THOC1: variants seen among roughly 807,000 people sequenced by gnomAD.
THOC1 encodes THO complex 1.
Under a neutral mutation model 97.3 loss-of-function variants are expected in THOC1, and 29 were observed. The observed-to-expected ratio is 0.30, with a 90% CI of 0.22 to 0.41. The LOEUF is 0.41. Among genes scored for constraint, THOC1 ranks in the 10% least tolerant of loss-of-function variants. The probability of loss-of-function intolerance (pLI) is 1.00; values close to 1 mark genes in which losing one functional copy is unlikely to be tolerated. For missense variants in THOC1, 529 were observed against 761.9 expected, an observed-to-expected ratio of 0.69 and a Z score of 3.60; for synonymous variants, 255 against 257.0, an observed-to-expected ratio of 0.99 and a Z score of 0.07.
At chr18:216,150 C>T (rs1910879651) in intron 19 of THOC1, 1 of 184,702 alleles carries the variant, frequency 5.4e-6, no homozygotes, top group Non-Finnish European at 1.1e-5. Flanking sequence ...GACGGGGTTT[C>T]ACCATATTGG....
intron 9 of THOC1, 137 bp from the exon 10 acceptor site, chr18:248,094 C>T: frequency 1.7e-6 from 1 of 586,792 alleles, no homozygotes; most frequent in Non-Finnish European, 2.9e-6. Context: ...TTCACAAATG[C>T]TTATATAAAC....
At position 254,203 on chromosome 18, in the gene THOC1, T is replaced by C; in HGVS notation, c.603+70A>G. 9.2e-7 allele frequency: 1 copy of C among 1,090,206 alleles called. No homozygotes were observed. The highest frequency in any genetic ancestry group is 1.4e-6 in the Non-Finnish European group (1 of 729,120). 67.5% of individuals were successfully genotyped at this position (1,090,206 alleles called of 1,614,324 possible). A position where few individuals can be genotyped will look rare whatever the true frequency, so the allele number is the denominator to read the frequency against. The stretch of plus-strand genomic sequence containing the variant: ...CTAGGATTACAAGTGTGAGCCACTG[T>C]GCCTGGACCCACTATCTTAATAACA... On this transcript the variant is annotated intron_variant, in intron 8 of 20. Coordinates refer to ENST00000261600, the MANE Select transcript of THOC1 (RefSeq NM_005131.3). This position sits in a 1 kb window ranked among gnomAD's most constrained non-coding sequence, Gnocchi z 4.1.
intron 17 of THOC1, 46 bp from the exon 18 acceptor site, chr18:219,015 TAATA>T (rs1910991573): frequency 1.4e-6 from 1 of 708,742 alleles, no homozygotes; most frequent in African/African-American, 2.9e-5. Context: ...ATATTCTTAA[TAATA>T]AATACTCATG....
Position 262,473 on chromosome 18 carries a change from T to G in THOC1, c.256+1553A>C, listed in dbSNP as rs184396957. On this transcript the variant is annotated intron_variant, in intron 4 of 20. Transcript: ENST00000261600. ...TAAAAATGCACTATGCCTTTACAGT[T>G]TAAGCTCTTAAGTCCTTATCCTTCT... Among the ~76,000 whole-genome samples the G allele has an allele frequency of 2.6e-5, 4 of 152,360 alleles. No individual in the cohort carries two copies. In the East Asian group the frequency reaches 7.7e-4, roughly 29 times the overall value.
intron 17 of THOC1, among the ~76,000 whole-genome samples, chr18:221,760 C>T (rs755243522): frequency 2.0e-5 from 3 of 152,110 alleles, no homozygotes; most frequent in African/African-American, 2.4e-5. Context: ...AGGCGCCTGC[C>T]ACCACACTTG....
intron 11 of THOC1, among the ~76,000 whole-genome samples, chr18:240,441 G>C (rs907020708): frequency 1.3e-5 from 2 of 152,186 alleles, no homozygotes; most frequent in African/African-American, 4.8e-5. Flanking sequence ...GATATTTAAA[G>C]AACTGTTCTA....
intron 20 of THOC1, 96 bp from the exon 21 acceptor site, chr18:215,017 T>C: frequency 9.3e-7 from 1 of 1,071,486 alleles, no homozygotes; most frequent in Non-Finnish European, 1.4e-6. Flanking sequence ...CCACCTTTAG[T>C]AGACTTTATT....
chr18:250,588 T>C (rs535310278), intron 9 of THOC1, among the ~76,000 whole-genome samples: 1 of 152,356 alleles, frequency 6.6e-6, no homozygotes, highest in South Asian at 2.1e-4. Flanking sequence ...CAAAAATGTT[T>C]ACTGGTGTAT....
intron 11 of THOC1, among the ~76,000 whole-genome samples, chr18:233,019 T>C (rs985287178): frequency 6.6e-6 from 1 of 152,236 alleles, no homozygotes; most frequent in Non-Finnish European, 1.5e-5. Context: ...TTGCCTACGG[T>C]ATCTTTTGCT....
intron 9 of THOC1, among the ~76,000 whole-genome samples, chr18:249,120 G>T (rs190143292): frequency 3.5e-4 from 53 of 152,264 alleles, no homozygotes; most frequent in Non-Finnish European, 4.9e-4. Context: ...AAAATCAACA[G>T]TGAAGAATAC....
At chr18:236,516 C>T (rs1446954750) in intron 11 of THOC1, among the ~76,000 whole-genome samples, 4 of 151,572 alleles carry the variant, frequency 2.6e-5, no homozygotes, top group South Asian at 4.1e-4. Flanking sequence ...GCTACCACGC[C>T]CGGCTAATTT....
At chr18:266,197 T>C (rs753185370) in intron 1 of THOC1, among the ~76,000 whole-genome samples, 1 of 152,244 alleles carries the variant, frequency 6.6e-6, no homozygotes, top group Non-Finnish European at 1.5e-5. Context: ...ATTCATTCTA[T>C]GAACACTCAC....
chr18:260,831 T>C (rs1312061992), intron 4 of THOC1: 2 of 152,222 alleles, frequency 1.3e-5, no homozygotes, highest in African/African-American at 4.8e-5. Context: ...GGAAAAATGC[T>C]TATGATATAA....
chr18:260,126 C>T (rs1481592657), intron 5 of THOC1, 60 bp downstream of exon 5: 3 of 1,130,556 alleles, frequency 2.7e-6, no homozygotes, highest in Non-Finnish European at 2.4e-6. Context: ...AAAATCTACC[C>T]TCAGAATTCT....
chr18:239,565 CAG>C (rs966104571), intron 11 of THOC1, among the ~76,000 whole-genome samples: 2 of 152,196 alleles, frequency 1.3e-5, no homozygotes, highest in African/African-American at 4.8e-5. Flanking sequence ...CTCGGCCTCC[CAG>C]AGTGCTGGGA....
chr18:227,278 G>A (rs1423936122), intron 11 of THOC1, among the ~76,000 whole-genome samples: 6 of 152,050 alleles, frequency 3.9e-5, no homozygotes, highest in Non-Finnish European at 8.8e-5. Flanking sequence ...TCAGGAGTTC[G>A]AGATCAGTCT....
At chr18:220,229 C>T (rs917395800) in intron 17 of THOC1, among the ~76,000 whole-genome samples, 5 of 152,140 alleles carry the variant, frequency 3.3e-5, no homozygotes, top group African/African-American at 4.8e-5. Flanking sequence ...TCTTTAGGCA[C>T]TGGGCCTTCA....
chr18:219,434 G>A (rs1286974202), intron 17 of THOC1, among the ~76,000 whole-genome samples: 15 of 109,362 alleles, frequency 1.4e-4, no homozygotes, highest in Non-Finnish European at 2.6e-4. Flanking sequence ...ACAAGATTGT[G>A]GGCATGTGTT....
intron 19 of THOC1, 109 bp downstream of exon 19, chr18:216,376 TG>T: frequency 8.4e-7 from 1 of 1,190,638 alleles, no homozygotes; most frequent in South Asian, 1.5e-5. Flanking sequence ...TGGGAGCTTG[TG>T]GATCACTGGT....
Sources: allele counts gnomAD v4.1 joint callset (sites outside exome capture counted in the v4.1 genomes callset), GRCh38; gene constraint gnomAD v4.1.1; non-coding constraint Gnocchi (gnomAD v3.1); transcripts MANE v1.5; gene names NCBI Gene and HGNC (gene_info 2026-07-23, HGNC 2026-07-21).